Variants in NAA60 observed in about 807,000 individuals in gnomAD.
NAA60 encodes the protein N-alpha-acetyltransferase 60, NatF catalytic subunit, also known as N-alpha-acetyltransferase 60.
In NAA60, 8 loss-of-function variants were observed where a neutral mutation model predicts 26.1. The ratio of observed to expected loss-of-function variants is 0.31; its 90% confidence interval spans 0.18 to 0.55. The LOEUF (loss-of-function observed/expected upper bound fraction) is 0.55. Ranked by LOEUF, NAA60 falls within the 20% of genes least tolerant of loss-of-function variation. The pLI, the probability that NAA60 is intolerant of heterozygous loss-of-function variation, is 0.93. For missense variants in NAA60, 290 were observed against 311.3 expected (o/e 0.93, Z 0.51); for synonymous variants, 131 against 122.5 (o/e 1.07, Z -0.46).
chr16:3,485,249 G>C (rs2037092727), intron 7 of NAA60, 188 bp downstream of exon 7: 1 of 648,574 alleles, frequency 1.5e-6, no homozygotes, highest in East Asian at 3.1e-5. Context: ...CAGGCTCCAT[G>C]GCAACTGGGC....
chr16:3,457,694 G>A (rs1208478641), intron 2 of NAA60, among the ~76,000 whole-genome samples: 3 of 152,226 alleles, frequency 2.0e-5, no homozygotes, highest in African/African-American at 7.2e-5. Flanking sequence ...CTTAGGATGC[G>A]CCTGCCAGGG....
At chr16:3,482,767 T>A in intron 5 of NAA60, 169 bp downstream of exon 5, 2 of 631,846 alleles carry the variant, frequency 3.2e-6, no homozygotes, top group Non-Finnish European at 5.7e-6. Context: ...ACCTTCATCA[T>A]CCCTCCCCTG....
intron 2 of NAA60, among the ~76,000 whole-genome samples, chr16:3,470,882 C>G (rs149781513): frequency 6.6e-5 from 10 of 152,344 alleles, no homozygotes; most frequent in South Asian, 2.1e-4. Context: ...CTTCCTGCCT[C>G]TTCTCTGCCC....
intron 1 of NAA60, among the ~76,000 whole-genome samples, chr16:3,445,274 CTCT>C (rs1366365786): frequency 1.0e-4 from 13 of 125,546 alleles, no homozygotes; most frequent in African/African-American, 2.8e-4. Context: ...TTGTGCTTAT[CTCT>C]TTTTTTTTTT....
chr16:3,481,295 G>C (rs1454042395), intron 4 of NAA60, among the ~76,000 whole-genome samples: 2 of 152,092 alleles, frequency 1.3e-5, no homozygotes, highest in Admixed American at 1.3e-4. Context: ...TCACCATGTT[G>C]GCCATGCTGA....
In NAA60 at chr16:3,485,050, C is replaced by T. The variant is rs1025196849; in HGVS notation, c.*195C>T. ...ATCGTGGGCATGCGCAGAGCATGCCCATCCGTGGCAGGTACGCCACAGCAG... is the reference window on the plus strand; with the variant it reads ...ATCGTGGGCATGCGCAGAGCATGCCTATCCGTGGCAGGTACGCCACAGCAG... On this transcript the variant is annotated 3_prime_UTR_variant, in exon 7 of 8. Coordinates refer to ENST00000407558, the MANE Select transcript of NAA60 (RefSeq NM_001083601.3). The T allele has an allele frequency of 2.0e-6, 3 of 1,492,620 alleles. No homozygotes were observed. Among genetic ancestry groups the T allele is most frequent in the African/African-American group, 2.8e-5 (2 of 71,958 alleles). 92.5% of individuals were successfully genotyped at this position (1,492,620 alleles called of 1,614,324 possible).
intron 2 of NAA60, among the ~76,000 whole-genome samples, chr16:3,475,019 G>T (rs571584263): frequency 3.8e-4 from 57 of 151,248 alleles, no homozygotes; most frequent in Non-Finnish European, 6.2e-4. Context: ...GGGTTCAGGC[G>T]ATCCTCCCAC....
intron 2 of NAA60, among the ~76,000 whole-genome samples, chr16:3,456,266 C>G (rs1188043865): frequency 6.6e-6 from 1 of 152,130 alleles, no homozygotes; most frequent in East Asian, 1.9e-4. Context: ...CCAACTGAGT[C>G]CTGAGGTTCT....
intron 2 of NAA60, among the ~76,000 whole-genome samples, chr16:3,465,211 G>C (rs1293503766): frequency 1.3e-5 from 2 of 150,708 alleles, no homozygotes; most frequent in Admixed American, 1.3e-4. Context: ...AGCTTGCAGT[G>C]AGCCGAAATT....
intron 4 of NAA60, among the ~76,000 whole-genome samples, chr16:3,482,258 C>T (rs1409487412): frequency 1.3e-5 from 2 of 152,218 alleles, no homozygotes; most frequent in African/African-American, 2.4e-5. Context: ...CTCCCACACA[C>T]CCCTAGGAGA....
At chr16:3,448,327 T>G in intron 1 of NAA60, 144 bp from the exon 2 acceptor site, 1 of 557,922 alleles carries the variant, frequency 1.8e-6, no homozygotes, top group Non-Finnish European at 3.1e-6. Flanking sequence ...GAACTACATG[T>G]TTAGATAGTT....
chr16:3,459,946 T>C (rs970675571), intron 2 of NAA60, among the ~76,000 whole-genome samples: 1 of 152,130 alleles, frequency 6.6e-6, no homozygotes, highest in African/African-American at 2.4e-5. Context: ...GTGAGGAGAT[T>C]TGAATGATAA....
chr16:3,480,040 T>C (rs1192327180), intron 4 of NAA60, among the ~76,000 whole-genome samples: 1 of 152,120 alleles, frequency 6.6e-6, no homozygotes, highest in African/African-American at 2.4e-5. Context: ...CACAGAGCCC[T>C]TTAAGATCTA....
At chr16:3,483,295 C>T in intron 5 of NAA60, 68 bp from the exon 6 acceptor site, 1 of 1,171,142 alleles carries the variant, frequency 8.5e-7, no homozygotes. Context: ...GCAAAGCCCC[C>T]ATCCTAGCCC....
intron 2 of NAA60, among the ~76,000 whole-genome samples, chr16:3,463,364 A>G (rs2035534107): frequency 6.6e-6 from 1 of 151,208 alleles, no homozygotes; most frequent in Non-Finnish European, 1.5e-5. Flanking sequence ...CCTGGCCAAC[A>G]TGGTGAAACC....
intron 6 of NAA60, among the ~76,000 whole-genome samples, chr16:3,484,228 A>G (rs142968766): frequency 2.4e-4 from 36 of 152,292 alleles, no homozygotes; most frequent in African/African-American, 7.2e-4. Flanking sequence ...ATTACATAGA[A>G]TAATAAGCAG....
chr16:3,478,154 T>C (rs1490856922), intron 3 of NAA60, among the ~76,000 whole-genome samples: 1 of 152,118 alleles, frequency 6.6e-6, no homozygotes, highest in Non-Finnish European at 1.5e-5. Context: ...GAGAATCACT[T>C]GAACCCGCGA....
intron 2 of NAA60, among the ~76,000 whole-genome samples, chr16:3,470,196 G>T (rs1168427060): frequency 6.6e-6 from 1 of 152,198 alleles, no homozygotes; most frequent in Non-Finnish European, 1.5e-5. Context: ...TGCCACCTCT[G>T]AGGGGCTGGG....
chr16:3,453,574 A>G (rs1327459954), intron 2 of NAA60, among the ~76,000 whole-genome samples: 2 of 151,832 alleles, frequency 1.3e-5, no homozygotes, highest in East Asian at 1.9e-4. Flanking sequence ...ACGCCTGGCT[A>G]ATTTTGTATT....
Sources: gnomAD v4.1 joint callset for allele counts (sites outside exome capture counted in the v4.1 genomes callset) on GRCh38, gnomAD v4.1.1 for gene constraint, MANE v1.5 for transcripts, NCBI Gene and HGNC (gene_info 2026-07-23, HGNC 2026-07-21) for gene names.